Variants in SPART observed in about 807,000 individuals in gnomAD.
SPART encodes spartin, also known as spastic paraplegia 20 (Troyer syndrome).
A neutral mutation model predicts 58.7 loss-of-function variants in SPART; 35 were observed. The observed-to-expected ratio is 0.60, with a 90% CI of 0.46 to 0.79. SPART has a LOEUF of 0.79. SPART is among the 30% of genes least tolerant of loss of function. SPART has a pLI of 0.00. For missense variants in SPART, 730 were observed against 786.1 expected, an observed-to-expected ratio of 0.93 and a Z score of 0.85; for synonymous variants, 284 against 280.7, an observed-to-expected ratio of 1.01 and a Z score of -0.12.
chr13:36,345,802 T>C (rs4941833), intron 1 of SPART, among the ~76,000 whole-genome samples: 20,384 of 152,164 alleles, frequency 0.13, 1,406 homozygotes, highest in Middle Eastern at 0.18. Flanking sequence ...CTGCCCAACC[T>C]TGACGGGGCC....
chr13:36,307,493 C>A (rs958053501), intron 8 of SPART, among the ~76,000 whole-genome samples: 3 of 151,778 alleles, frequency 2.0e-5, no homozygotes, highest in African/African-American at 7.3e-5. Flanking sequence ...AAATTTTCTA[C>A]AGGAAAAAAA....
chr13:36,361,181 C>T (rs753161785), intron 1 of SPART, among the ~76,000 whole-genome samples: 67 of 152,096 alleles, frequency 4.4e-4, no homozygotes, highest in Admixed American at 9.8e-4. Context: ...CTGAAAAATG[C>T]ATGCCATCTG....
chr13:36,354,113 A>G (rs932608771), intron 1 of SPART, among the ~76,000 whole-genome samples: 3 of 152,218 alleles, frequency 2.0e-5, no homozygotes, highest in Admixed American at 1.3e-4. Flanking sequence ...CATTAAAAAG[A>G]AAACCTATGT....
At chr13:36,309,129 A>G (rs1880816414) in intron 8 of SPART, among the ~76,000 whole-genome samples, 1 of 151,966 alleles carries the variant, frequency 6.6e-6, no homozygotes, top group Admixed American at 6.6e-5. Context: ...CTGTAGTCCC[A>G]GCTACTAGGG....
intron 5 of SPART, among the ~76,000 whole-genome samples, chr13:36,324,573 C>G (rs1334190959): frequency 1.3e-5 from 2 of 152,244 alleles, no homozygotes; most frequent in East Asian, 1.9e-4. Flanking sequence ...TTCCAAATAC[C>G]TGGCCCACTG....
chr13:36,331,259 A>T, intron 3 of SPART, 140 bp downstream of exon 3: 1 of 771,870 alleles, frequency 1.3e-6, no homozygotes, highest in Non-Finnish European at 2.3e-6. Flanking sequence ...CCAAGCATGT[A>T]GTTGTGAACA....
chr13:36,304,515 TGCA>T lies in SPART; in HGVS notation c.1848_1850del (p.Ala617del), dbSNP rs891288541. Reference sequence around the variant, plus strand: ...CAAGGAGAGTGTGTCCTGTTTGTGTTGCAGTTTTCTTCACCATTGCTTTGATAC... The same window carrying T: ...CAAGGAGAGTGTGTCCTGTTTGTGTTGTTTTCTTCACCATTGCTTTGATAC... On this transcript the variant is annotated inframe_deletion, in exon 9 of 9. Coordinates refer to ENST00000438666, the MANE Select transcript of SPART (RefSeq NM_015087.5). 1.2e-6 allele frequency: 2 copies of T among 1,614,150 alleles called. No individual in the cohort carries two copies. The highest frequency in any genetic ancestry group is 3.3e-5 in the Admixed American group (2 of 60,020).
At chr13:36,309,243 CAAA>C (rs566701572) in intron 8 of SPART, among the ~76,000 whole-genome samples, 1 of 103,156 alleles carries the variant, frequency 9.7e-6, no homozygotes, top group Non-Finnish European at 2.0e-5. Context: ...AACTCCGTCT[CAAA>C]AAAAAAAAAA....
At chr13:36,322,521 G>A (rs1247549962) in intron 5 of SPART, among the ~76,000 whole-genome samples, 4 of 152,146 alleles carry the variant, frequency 2.6e-5, no homozygotes, top group Non-Finnish European at 4.4e-5. Context: ...AAAGCTAGCT[G>A]AACCCTAAGA....
rs958496162 is a variant in SPART, at chr13:36,318,578, T to C, written c.1289-4157A>G. 3.0e-3 allele frequency among the ~76,000 whole-genome samples: 452 copies of C among 152,204 alleles called. 4 individuals carry two copies. The highest frequency in any genetic ancestry group is 0.01 in the African/African-American group (428 of 41,550). On this transcript the variant is annotated intron_variant, in intron 5 of 8. Coordinates refer to ENST00000438666, the MANE Select transcript of SPART (RefSeq NM_015087.5). The stretch of plus-strand genomic sequence containing the variant: ...TTAACCTCGCCTTCAAGGTGTACAA[T>C]AATAGAAAAAAGTTGCAATTCCTTG...
rs1236133552 is a variant in SPART, at chr13:36,365,073, TC to T, written c.-3+5015del. On this transcript the variant is annotated intron_variant, in intron 1 of 8. Transcript: ENST00000355182. ...TGCATGATGCTGAACTGCTAGGGGC[TC>T]CCACCAATGCCCCACACTTCCACTT... is the stretch of plus-strand genomic sequence containing the variant. Among the ~76,000 whole-genome samples, 4 of 149,678 alleles carry T rather than the reference TC, an allele frequency of 2.7e-5. No individual in the cohort carries two copies. In the East Asian group the frequency reaches 7.9e-4, roughly 29 times the overall value.
chr13:36,368,897 G>T (rs1414122044), intron 1 of SPART, among the ~76,000 whole-genome samples: 1 of 152,154 alleles, frequency 6.6e-6, no homozygotes, highest in Non-Finnish European at 1.5e-5. Flanking sequence ...TACTCGGGAG[G>T]CTGAGGCATG....
chr13:36,327,713 C>T (rs772417446), intron 4 of SPART, among the ~76,000 whole-genome samples: 5 of 152,116 alleles, frequency 3.3e-5, no homozygotes, highest in Admixed American at 6.6e-5. Context: ...TGAGGGCAGG[C>T]ATGCTGGCTC....
At chr13:36,336,629 G>C (rs1443255993) in intron 1 of SPART, among the ~76,000 whole-genome samples, 2 of 152,060 alleles carry the variant, frequency 1.3e-5, no homozygotes, top group East Asian at 3.9e-4. Flanking sequence ...TTGGAAAACC[G>C]GCAGTTTCTA....
chr13:36,339,842 G>T (rs556827717), intron 1 of SPART, among the ~76,000 whole-genome samples: 1 of 152,206 alleles, frequency 6.6e-6, no homozygotes, highest in South Asian at 2.1e-4. Context: ...TGAGACAGGA[G>T]GATCGCTTGA....
intron 1 of SPART, among the ~76,000 whole-genome samples, chr13:36,353,845 TCA>T (rs946440183): frequency 1.3e-5 from 2 of 152,210 alleles, no homozygotes; most frequent in African/African-American, 4.8e-5. Flanking sequence ...CCTTCAGTAG[TCA>T]CAGAGTGGTC....
At chr13:36,317,633 G>A (rs1881874293) in intron 5 of SPART, among the ~76,000 whole-genome samples, 1 of 151,188 alleles carries the variant, frequency 6.6e-6, no homozygotes, top group South Asian at 2.1e-4. Context: ...TGGAAGGTAA[G>A]AACCCCGAAC....
chr13:36,318,251 C>G (rs61952473), intron 5 of SPART, among the ~76,000 whole-genome samples: 2,100 of 152,264 alleles, frequency 0.014, 30 homozygotes, highest in Non-Finnish European at 0.02. Flanking sequence ...TAGCCCTCCC[C>G]CTCCTGCCCA....
intron 1 of SPART, among the ~76,000 whole-genome samples, chr13:36,360,266 G>A (rs900617729): frequency 0.013 from 73 of 5,810 alleles, no homozygotes; most frequent in Admixed American, 0.012. Flanking sequence ...CTGCACTCCA[G>A]CCTGGGTGGA....
Sources: allele counts gnomAD v4.1 joint callset (sites outside exome capture counted in the v4.1 genomes callset), GRCh38; gene constraint gnomAD v4.1.1; transcripts MANE v1.5; gene names NCBI Gene and HGNC (gene_info 2026-07-23, HGNC 2026-07-21).